ZFHX3: variants seen among roughly 807,000 people sequenced by gnomAD.
ZFHX3 encodes the protein zinc finger homeobox protein 3.
Under a neutral mutation model 279.1 loss-of-function variants are expected in ZFHX3, and 42 were observed. The ratio of observed to expected loss-of-function variants is 0.15; its 90% CI spans 0.12 to 0.19. The LOEUF is 0.19. ZFHX3 is among the 10% of genes least tolerant of loss of function. The pLI is 1.00. For synonymous variants in ZFHX3, 2,293 were observed against 1,957.8 expected, an observed-to-expected ratio of 1.17 and a Z score of -4.52; for missense variants, 4,981 against 4,754.0, an observed-to-expected ratio of 1.05 and a Z score of -1.40.
At chr16:73,340,666 G>A (rs569177879) in intron 3 of ZFHX3, among the ~76,000 whole-genome samples, 2 of 152,156 alleles carry the variant, frequency 1.3e-5, no homozygotes, top group Non-Finnish European at 2.9e-5. Context: ...GTGAGCCACC[G>A]TGCCTGGCTG....
chr16:73,484,030 G>A (rs2018926595), intron 2 of ZFHX3, among the ~76,000 whole-genome samples: 1 of 151,182 alleles, frequency 6.6e-6, no homozygotes, highest in African/African-American at 2.4e-5. Flanking sequence ...ACAGTGCACG[G>A]ACTTGATTGC....
At chr16:72,917,496 G>A (rs144051611) in intron 3 of ZFHX3, among the ~76,000 whole-genome samples, 206 of 152,268 alleles carry the variant, frequency 1.4e-3, no homozygotes, top group Middle Eastern at 3.4e-3. Flanking sequence ...GAAACAAGCC[G>A]ACTATCAAAC....
chr16:73,100,938 A>G (rs958745927), intron 7 of ZFHX3, among the ~76,000 whole-genome samples: 2 of 152,128 alleles, frequency 1.3e-5, no homozygotes, highest in African/African-American at 4.8e-5. Flanking sequence ...AGAATTAAAC[A>G]TGGAAAACAA....
At chr16:73,025,743 C>T (rs1434792450) in intron 1 of ZFHX3, among the ~76,000 whole-genome samples, 1 of 152,104 alleles carries the variant, frequency 6.6e-6, no homozygotes, top group African/African-American at 2.4e-5. Context: ...CAGAGACCTA[C>T]AGGAAAAGGC....
intron 1 of ZFHX3, among the ~76,000 whole-genome samples, chr16:73,734,355 C>A (rs1016674937): frequency 6.6e-6 from 1 of 152,276 alleles, no homozygotes; most frequent in Middle Eastern, 3.4e-3. Flanking sequence ...CTAGAATAAA[C>A]TGAAATTGAG....
At chr16:73,070,680 A>G (rs947431151) in intron 8 of ZFHX3, among the ~76,000 whole-genome samples, 2 of 151,584 alleles carry the variant, frequency 1.3e-5, no homozygotes, top group Non-Finnish European at 2.9e-5. Context: ...GGACCACGTG[A>G]CCAATCCAGA....
intron 1 of ZFHX3, among the ~76,000 whole-genome samples, chr16:73,739,304 G>T (rs1417813106): frequency 6.6e-6 from 1 of 152,188 alleles, no homozygotes; most frequent in African/African-American, 2.4e-5. Flanking sequence ...CTCATCTTTT[G>T]TTAGAACAGG....
At chr16:73,782,516 T>C (rs1350835839) in intron 1 of ZFHX3, among the ~76,000 whole-genome samples, 1 of 152,214 alleles carries the variant, frequency 6.6e-6, no homozygotes, top group Non-Finnish European at 1.5e-5. Context: ...GTGGCAGTTA[T>C]TCATCTGCCA....
intron 2 of ZFHX3, among the ~76,000 whole-genome samples, chr16:73,535,909 A>T (rs2019893337): frequency 1.3e-5 from 2 of 151,876 alleles, no homozygotes; most frequent in Non-Finnish European, 2.9e-5. Flanking sequence ...CTTTTAGTAG[A>T]GACGGGGTTT....
rs924976534 is a variant in ZFHX3, at chr16:72,786,605, A to T, written c.*559T>A. On this transcript the variant is annotated 3_prime_UTR_variant, in exon 10 of 10. Transcript: ENST00000268489. ...GGAACAAAAAAAAAAAAAAAAACTG[A>T]AAAAACAATAATATATAAAACAATG... 2 of 151,112 alleles carry T rather than the reference A, an allele frequency of 1.3e-5. No homozygotes were observed. The highest frequency in any genetic ancestry group is 2.4e-5 in the African/African-American group (1 of 41,220). 9.4% of individuals were successfully genotyped at this position (151,112 alleles called of 1,614,324 possible).
intron 5 of ZFHX3, among the ~76,000 whole-genome samples, chr16:72,813,507 T>C (rs2036520620): frequency 1.3e-5 from 2 of 152,322 alleles, no homozygotes; most frequent in South Asian, 4.1e-4. Flanking sequence ...TTCCAGGAAG[T>C]TGATGCTCTT....
At chr16:73,237,907 G>A (rs2013004434) in intron 5 of ZFHX3, among the ~76,000 whole-genome samples, 1 of 152,014 alleles carries the variant, frequency 6.6e-6, no homozygotes, top group Non-Finnish European at 1.5e-5. Flanking sequence ...CCATGAGCTG[G>A]TCTACATTTG....
Position 73,556,968 on chromosome 16 carries a change from G to A in ZFHX3, c.-1546-100710C>T, listed in dbSNP as rs183680344. ...AAATTAGCTGGGCATGGTGGTGGGC[G>A]CCTGTAGTCCCAGCTACTCAGGAGG... On this transcript the variant is annotated intron_variant, in intron 2 of 17. Coordinates refer to the ZFHX3 transcript ENST00000641206. Among the ~76,000 whole-genome samples the A allele has an allele frequency of 4.0e-3, 608 of 151,804 alleles. 7 individuals are homozygous for A. The highest frequency in any genetic ancestry group is 0.012 in the African/African-American group (490 of 41,412).
chr16:73,765,542 CCATTT>C (rs2053923805), intron 1 of ZFHX3, among the ~76,000 whole-genome samples: 1 of 152,136 alleles, frequency 6.6e-6, no homozygotes, highest in Admixed American at 6.5e-5. Flanking sequence ...CCCAATGCCT[CCATTT>C]AGACTTTAAA....
chr16:73,217,656 C>T (rs571812962), intron 5 of ZFHX3, among the ~76,000 whole-genome samples: 54 of 152,214 alleles, frequency 3.5e-4, no homozygotes, highest in Non-Finnish European at 6.8e-4. Context: ...GAAAAAACCC[C>T]GTCAGGCCCA....
chr16:73,200,650 T>G (rs1450083247), intron 5 of ZFHX3, among the ~76,000 whole-genome samples: 1 of 152,220 alleles, frequency 6.6e-6, no homozygotes, highest in East Asian at 1.9e-4. Context: ...AAACCATTTC[T>G]GGATGCTTCC....
At chr16:73,367,082 C>G (rs758305274) in intron 3 of ZFHX3, among the ~76,000 whole-genome samples, 19 of 152,170 alleles carry the variant, frequency 1.2e-4, no homozygotes, top group African/African-American at 4.6e-4. Flanking sequence ...TCCATCTGGT[C>G]TCCCAGTTCT....
At chr16:73,273,315 A>G (rs1438951128) in intron 4 of ZFHX3, among the ~76,000 whole-genome samples, 1 of 152,232 alleles carries the variant, frequency 6.6e-6, no homozygotes, top group African/African-American at 2.4e-5. Flanking sequence ...AGAATGAACC[A>G]AAAACCTACA....
chr16:72,851,495 C>T (rs1001114822), intron 4 of ZFHX3, among the ~76,000 whole-genome samples: 2 of 152,054 alleles, frequency 1.3e-5, no homozygotes, highest in Non-Finnish European at 2.9e-5. Flanking sequence ...ATAATGGTGT[C>T]TAAATTCCTC....
Sources: gnomAD v4.1 joint callset for allele counts (sites outside exome capture counted in the v4.1 genomes callset) on GRCh38, gnomAD v4.1.1 for gene constraint, MANE v1.5 for transcripts, NCBI Gene and HGNC (gene_info 2026-07-23, HGNC 2026-07-21) for gene names.